PTPN4: variants seen among roughly 807,000 people sequenced by gnomAD.
PTPN4 encodes tyrosine-protein phosphatase non-receptor type 4.
Under a neutral mutation model 135.5 loss-of-function variants are expected in PTPN4, and 49 were observed. The observed-to-expected ratio is 0.36, with a 90% CI of 0.29 to 0.46. The LOEUF (loss-of-function observed/expected upper bound fraction) is 0.46. Ranked by LOEUF, PTPN4 falls within the 20% of genes least tolerant of loss-of-function variation. The probability of loss-of-function intolerance (pLI) is 1.00; values close to 1 mark genes in which losing one functional copy is unlikely to be tolerated. For missense variants in PTPN4, 860 were observed against 1,101.0 expected (o/e 0.78, Z 3.10); for synonymous variants, 333 against 369.9 (o/e 0.90, Z 1.14).
At chr2:119,876,854 T>C (rs951440935) in intron 3 of PTPN4, among the ~76,000 whole-genome samples, 4 of 151,690 alleles carry the variant, frequency 2.6e-5, no homozygotes, top group African/African-American at 9.7e-5. Context: ...ATTTTCAAGT[T>C]CTGTAGTAGA....
chr2:119,825,374 G>A (rs188698033), intron 2 of PTPN4, among the ~76,000 whole-genome samples: 2 of 152,058 alleles, frequency 1.3e-5, no homozygotes, highest in Admixed American at 1.3e-4. Flanking sequence ...TTTCATTCTT[G>A]TCAGTAACAA....
chr2:119,936,972 T>C (rs1469335913), intron 15 of PTPN4, among the ~76,000 whole-genome samples: 3 of 152,230 alleles, frequency 2.0e-5, no homozygotes, highest in Non-Finnish European at 4.4e-5. Flanking sequence ...AATAATAACT[T>C]ACTTAGTTGC....
At chr2:119,956,760 G>A in intron 20 of PTPN4, 84 bp from the exon 21 acceptor site, 1 of 1,567,418 alleles carries the variant, frequency 6.4e-7, no homozygotes, top group Non-Finnish European at 8.6e-7. Flanking sequence ...CCTGTTTCCT[G>A]TTAGTGTAGA....
At chr2:119,862,695 A>G in intron 3 of PTPN4, 52 bp downstream of exon 3, 1 of 1,438,038 alleles carries the variant, frequency 7.0e-7, no homozygotes, top group South Asian at 1.2e-5. Flanking sequence ...CTCTCAGTTT[A>G]GTGTAGAAAG....
At chr2:119,877,602 AAATT>A (rs1189286111) in intron 5 of PTPN4, 60 bp downstream of exon 5, 36 of 1,534,012 alleles carry the variant, frequency 2.3e-5, no homozygotes, top group Non-Finnish European at 2.9e-5. Context: ...TGAAATTTTG[AAATT>A]AATTAGGCAA....
intron 18 of PTPN4, among the ~76,000 whole-genome samples, chr2:119,948,446 TA>T (rs971460913): frequency 3.3e-5 from 5 of 150,758 alleles, no homozygotes; most frequent in South Asian, 2.1e-4. Flanking sequence ...ATTTAAGACT[TA>T]AAAAAAAAGC....
At chr2:119,881,997 A>G in intron 6 of PTPN4, 100 bp from the exon 7 acceptor site, 1 of 1,210,006 alleles carries the variant, frequency 8.3e-7, no homozygotes, top group South Asian at 1.3e-5. Context: ...GTTAAAATCA[A>G]ATCACATGAA....
chr2:119,932,743 C>T (rs895056880), intron 14 of PTPN4, among the ~76,000 whole-genome samples, 194 bp downstream of exon 14: 4 of 152,106 alleles, frequency 2.6e-5, no homozygotes, highest in Admixed American at 6.6e-5. Flanking sequence ...TATAGACTTG[C>T]GGAATGAGAG....
intron 19 of PTPN4, among the ~76,000 whole-genome samples, chr2:119,953,238 G>A (rs1366540349): frequency 2.6e-5 from 4 of 152,142 alleles, no homozygotes; most frequent in Admixed American, 2.0e-4. Flanking sequence ...AATAATTATT[G>A]TTAATGCCAT....
chr2:119,822,350 T>TCC lies in PTPN4; in HGVS notation c.138+12362_138+12363dup, dbSNP rs1574352478. On this transcript the variant is annotated intron_variant, in intron 2 of 26. Transcript: ENST00000263708. ...TTCTATCTTCCAAAGTGTATTAGTA[T>TCC]CCCCTCCCCCCCCCTTTTTTTTTTT... Among the ~76,000 whole-genome samples the TCC allele has an allele frequency of 3.7e-4, 51 of 137,720 alleles. 1 individual carries two copies. Among genetic ancestry groups the TCC allele is most frequent in the Non-Finnish European group, 6.9e-4 (44 of 63,588 alleles). 90.3% of individuals were successfully genotyped at this position (137,720 alleles called of 152,430 possible).
chr2:119,782,308 A>G (rs530042600), intron 1 of PTPN4, among the ~76,000 whole-genome samples: 36 of 152,108 alleles, frequency 2.4e-4, no homozygotes, highest in African/African-American at 8.7e-4. Context: ...AATCCCAGAT[A>G]CTCAGGAGGC....
intron 1 of PTPN4, among the ~76,000 whole-genome samples, chr2:119,785,973 G>C (rs1691039969): frequency 6.6e-6 from 1 of 152,188 alleles, no homozygotes; most frequent in Non-Finnish European, 1.5e-5. Flanking sequence ...CTCAAGCAGA[G>C]TTGATTTAGT....
At chr2:119,860,222 A>G (rs998349039) in intron 2 of PTPN4, among the ~76,000 whole-genome samples, 1 of 152,232 alleles carries the variant, frequency 6.6e-6, no homozygotes, top group Non-Finnish European at 1.5e-5. Context: ...CTGTATCAGT[A>G]TATAAAACAT....
At chr2:119,811,251 T>G (rs1691567781) in intron 2 of PTPN4, among the ~76,000 whole-genome samples, 1 of 152,170 alleles carries the variant, frequency 6.6e-6, no homozygotes, top group Admixed American at 6.5e-5. Context: ...TGAATCTTTC[T>G]TATTTACCAG....
At chr2:119,791,957 A>AG (rs1281877021) in intron 1 of PTPN4, among the ~76,000 whole-genome samples, 2 of 152,000 alleles carry the variant, frequency 1.3e-5, no homozygotes, top group African/African-American at 2.4e-5. Flanking sequence ...TTGAGGTCTC[A>AG]GGCTCTGTTC....
chr2:119,912,538 A>T (rs1678587037), intron 10 of PTPN4, among the ~76,000 whole-genome samples: 1 of 152,236 alleles, frequency 6.6e-6, no homozygotes, highest in South Asian at 2.1e-4. Flanking sequence ...GTTAATCAGT[A>T]AAACAGTATA....
At chr2:119,890,945 G>A (rs1678231401) in intron 9 of PTPN4, among the ~76,000 whole-genome samples, 1 of 152,164 alleles carries the variant, frequency 6.6e-6, no homozygotes, top group Non-Finnish European at 1.5e-5. Context: ...AATTTCTGCT[G>A]AGAAATTCAC....
At chr2:119,971,417 C>T (rs775248497) in intron 26 of PTPN4, among the ~76,000 whole-genome samples, 17 of 152,182 alleles carry the variant, frequency 1.1e-4, no homozygotes, top group Non-Finnish European at 1.9e-4. Flanking sequence ...ACAGCTATAC[C>T]ATATCACTAA....
chr2:119,893,510 C>G (rs189817840), intron 9 of PTPN4, among the ~76,000 whole-genome samples: 68 of 152,202 alleles, frequency 4.5e-4, no homozygotes, highest in Admixed American at 4.0e-3. Context: ...AAAGTCTGGA[C>G]TAGAAATAAT....
Sources: gnomAD v4.1 joint callset for allele counts (sites outside exome capture counted in the v4.1 genomes callset) on GRCh38, gnomAD v4.1.1 for gene constraint, MANE v1.5 for transcripts, NCBI Gene and HGNC (gene_info 2026-07-23, HGNC 2026-07-21) for gene names.